The following MTRF1 variants were observed in gnomAD, a reference collection of about 807,000 sequenced individuals.
MTRF1 encodes peptide chain release factor 1, mitochondrial.
A neutral mutation model predicts 62.9 loss-of-function variants in MTRF1; 51 were observed. The ratio of observed to expected loss-of-function variants is 0.81; its 90% confidence interval spans 0.65 to 1.02. MTRF1 has a LOEUF of 1.02. MTRF1 is among the 50% of genes least tolerant of loss of function. The pLI, the probability that MTRF1 is intolerant of heterozygous loss-of-function variation, is 0.00. For synonymous variants in MTRF1, 158 were observed against 181.9 expected (o/e 0.87, Z 1.06); for missense variants, 446 against 530.0 (o/e 0.84, Z 1.56).
At chr13:41,239,120 T>C (rs1368489259) in intron 6 of MTRF1, among the ~76,000 whole-genome samples, 1 of 151,686 alleles carries the variant, frequency 6.6e-6, no homozygotes, top group African/African-American at 2.4e-5. Context: ...AAAATCACTA[T>C]ACCCAGGTAT....
intron 5 of MTRF1, among the ~76,000 whole-genome samples, chr13:41,246,204 A>G (rs938851180): frequency 6.6e-6 from 1 of 152,108 alleles, no homozygotes; most frequent in Non-Finnish European, 1.5e-5. Flanking sequence ...TTCCTCCTGC[A>G]CAGATGCTTA....
the MTRF1 span, among the ~76,000 whole-genome samples, chr13:41,294,450 G>A: frequency 4.0e-5 from 6 of 150,652 alleles, no homozygotes; most frequent in Admixed American, 6.6e-5. Context: ...AGAAAGAAAC[G>A]GATAAAGTTG....
the MTRF1 span, among the ~76,000 whole-genome samples, chr13:41,307,061 C>G: frequency 6.6e-6 from 1 of 152,140 alleles, no homozygotes; most frequent in Non-Finnish European, 1.5e-5. Context: ...TACATTACAT[C>G]TTTTATACAC....
intron 9 of MTRF1, among the ~76,000 whole-genome samples, chr13:41,218,647 T>C (rs2032479492): frequency 6.6e-6 from 1 of 152,222 alleles, no homozygotes. Flanking sequence ...TTGGGATTAA[T>C]GAATTTGTAC....
At chr13:41,240,766 AT>A (rs2037383545) in intron 5 of MTRF1, among the ~76,000 whole-genome samples, 1 of 152,164 alleles carries the variant, frequency 6.6e-6, no homozygotes, top group South Asian at 2.1e-4. Context: ...TTATTTCCAA[AT>A]TTTCTATAAT....
intron 9 of MTRF1, among the ~76,000 whole-genome samples, chr13:41,221,285 T>C (rs2033296812): frequency 6.6e-6 from 1 of 151,976 alleles, no homozygotes; most frequent in Non-Finnish European, 1.5e-5. Flanking sequence ...ACCTCCCCAG[T>C]AGCTGGGACT....
chr13:41,218,329 C>T (rs2032395380), intron 9 of MTRF1, among the ~76,000 whole-genome samples: 1 of 141,928 alleles, frequency 7.0e-6, no homozygotes, highest in African/African-American at 2.7e-5. Flanking sequence ...AGGATTTTGC[C>T]ATGCTGCCCA....
chr13:41,254,528 C>A lies in MTRF1; in HGVS notation c.507+1G>T, dbSNP rs745328838. The A allele has an allele frequency of 6.2e-7, 1 of 1,611,828 alleles. No homozygotes were observed. The highest frequency in any genetic ancestry group is 1.1e-5 in the South Asian group (1 of 90,818). ...AAACTAGTCGACCTCTGAAAACCTA[C>A]CTCATTGTACAACATGTTGATTTTT... is the stretch of plus-strand genomic sequence containing the variant. On this transcript the variant is annotated splice_donor_variant, in intron 3 of 9. Transcript: ENST00000379480. LOFTEE classifies it high-confidence loss of function.
In MTRF1 at chr13:41,226,650, G is replaced by T. The variant is rs186613360; in HGVS notation, c.989-82C>A. Reference sequence around the variant, plus strand: ...ACCAAGGAACAGTTAAATGAGACAGGTTAATCAGGAAAAGATCACAAAAGA... The same window carrying T: ...ACCAAGGAACAGTTAAATGAGACAGTTTAATCAGGAAAAGATCACAAAAGA... On this transcript the variant is annotated intron_variant, in intron 7 of 9. Transcript: ENST00000379480. The T allele has an allele frequency of 1.4e-5, 21 of 1,468,210 alleles. No individual in the cohort carries two copies. The East Asian group carries it at 4.3e-4, about 30-fold the overall frequency. The allele number at this position is 1,468,210 out of a possible 1,614,324, so 90.9% of individuals were successfully genotyped here.
intron 6 of MTRF1, among the ~76,000 whole-genome samples, chr13:41,238,018 T>C (rs769584765): frequency 6.6e-6 from 1 of 152,132 alleles, no homozygotes; most frequent in Non-Finnish European, 1.5e-5. Context: ...GTGACAAAAA[T>C]TTCTGTAATG....
chr13:41,232,284 AT>A (rs1222715357), intron 7 of MTRF1, among the ~76,000 whole-genome samples: 1 of 151,918 alleles, frequency 6.6e-6, no homozygotes, highest in African/African-American at 2.4e-5. Flanking sequence ...AGTTAAAAAA[AT>A]AATTTTTTTA....
At chr13:41,227,416 G>C (rs568356961) in intron 7 of MTRF1, among the ~76,000 whole-genome samples, 1 of 152,180 alleles carries the variant, frequency 6.6e-6, no homozygotes, top group South Asian at 2.1e-4. Context: ...TTTCTAAGTT[G>C]TTCTGCGTAG....
intron 1 of MTRF1, chr13:41,263,263 G>A: frequency 7.8e-7 from 1 of 1,288,758 alleles, no homozygotes; most frequent in Non-Finnish European, 1.0e-6. Context: ...TACTCTCCAA[G>A]GTTAACTACA....
At position 41,258,714 on chromosome 13, in the gene MTRF1, A is replaced by G. The variant is rs542216436; in HGVS notation, c.415+1779T>C. 2.0e-5 allele frequency among the ~76,000 whole-genome samples: 3 copies of G among 152,296 alleles called. No homozygotes were observed. The South Asian group carries it at 6.2e-4, about 32-fold the overall frequency. On this transcript the variant is annotated intron_variant, in intron 2 of 9. Transcript: ENST00000379480. ...CAGATGTAAACCTTTGTGCCCTTAGATTAGGCAATTTTCTTAGATACGACT... is the reference window on the plus strand; with the variant it reads ...CAGATGTAAACCTTTGTGCCCTTAGGTTAGGCAATTTTCTTAGATACGACT...
At chr13:41,233,622 A>G (rs2035978906) in intron 7 of MTRF1, among the ~76,000 whole-genome samples, 1 of 152,162 alleles carries the variant, frequency 6.6e-6, no homozygotes, top group Non-Finnish European at 1.5e-5. Context: ...ATCTGTATTT[A>G]GGCTGGGGCA....
At chr13:41,241,337 C>T (rs749086827) in intron 5 of MTRF1, among the ~76,000 whole-genome samples, 1 of 152,156 alleles carries the variant, frequency 6.6e-6, no homozygotes, top group African/African-American at 2.4e-5. Context: ...AGCCACCATG[C>T]CCGGCCACTT....
At position 41,260,508 on chromosome 13, in the gene MTRF1, C is replaced by T; in HGVS notation, c.400G>A (p.Glu134Lys). The change falls in exon 2 of 10, where the codon GAA becomes AAA. Residue 134 changes from glutamate (E) to lysine (K), a missense_variant. Coordinates refer to ENST00000379480, the MANE Select transcript of MTRF1 (RefSeq NM_004294.4). ...TTTTACCTACTTTTACACATTGATT[C>T]TAATTCTTCAATTGCTTGTTCAGTC... ...QETEQAIEEL[E>K]SMCKSLNKQD... 6.2e-7 allele frequency: 1 copy of T among 1,612,538 alleles called. No individual in the cohort carries two copies. Among genetic ancestry groups the T allele is most frequent in the Middle Eastern group, 1.7e-4 (1 of 6,054 alleles).
chr13:41,236,000 G>C (rs2036472522), intron 6 of MTRF1: 1 of 149,810 alleles, frequency 6.7e-6, no homozygotes, highest in Non-Finnish European at 1.5e-5. Flanking sequence ...CTGACTCCCA[G>C]GTTCAAGAGT....
chr13:41,269,653 TTAATA>T, the MTRF1 span, among the ~76,000 whole-genome samples: 7 of 152,032 alleles, frequency 4.6e-5, no homozygotes, highest in Admixed American at 1.3e-4. Flanking sequence ...ATTATTTAAT[TTAATA>T]TAATTTTATA....
Sources: gnomAD v4.1 joint callset for allele counts (sites outside exome capture counted in the v4.1 genomes callset) on GRCh38, gnomAD v4.1.1 for gene constraint, MANE v1.5 for transcripts, NCBI Gene and HGNC (gene_info 2026-07-23, HGNC 2026-07-21) for gene names.